EFNA3: variants seen among roughly 807,000 people sequenced by gnomAD.
EFNA3 encodes the protein ephrin-A3.
Under a neutral mutation model 25.0 loss-of-function variants are expected in EFNA3, and 15 were observed. The observed-to-expected ratio is 0.60, with a 90% CI of 0.40 to 0.92. EFNA3 has a LOEUF of 0.92. Among genes scored for constraint, EFNA3 ranks in the 40% least tolerant of loss-of-function variants. The probability of loss-of-function intolerance (pLI) is 0.00; values close to 1 mark genes in which losing one functional copy is unlikely to be tolerated. For missense variants in EFNA3, 298 were observed against 323.8 expected (o/e 0.92, Z 0.61); for synonymous variants, 153 against 145.6 (o/e 1.05, Z -0.37).
Position 155,080,199 on chromosome 1 carries a change from C to A in EFNA3, c.128+1130C>A, listed in dbSNP as rs1032831345. 6.6e-6 allele frequency among the ~76,000 whole-genome samples: 1 copy of A among 152,230 alleles called. No individual in the cohort carries two copies. Among genetic ancestry groups the A allele is most frequent in the African/African-American group, 2.4e-5 (1 of 41,530 alleles). On this transcript the variant is annotated intron_variant, in intron 1 of 4. Coordinates refer to ENST00000368408, the MANE Select transcript of EFNA3 (RefSeq NM_004952.5). This position sits in a 1 kb window ranked among gnomAD's most constrained non-coding sequence, Gnocchi z 7.0. ...GCCTCTGGCTGCCCACCCCAGGGAC[C>A]GACCGACCAGGGAGCAAATGGCCAG...
At chr1:155,083,127 G>A (rs1663376881) in intron 1 of EFNA3, among the ~76,000 whole-genome samples, 1 of 152,226 alleles carries the variant, frequency 6.6e-6, no homozygotes, top group Non-Finnish European at 1.5e-5. Context: ...TTGAGGAAAT[G>A]GAATTACCTG....
Position 155,086,114 on chromosome 1 carries a change from A to ACCCCCCCC in EFNA3, c.509-10_509-9insCCCCCCCC. 1 of 1,066,104 alleles carries ACCCCCCCC rather than the reference A, an allele frequency of 9.4e-7. No individual in the cohort carries two copies. The highest frequency in any genetic ancestry group is 1.4e-6 in the Non-Finnish European group (1 of 738,118). 66.0% of individuals were successfully genotyped at this position (1,066,104 alleles called of 1,614,324 possible). A position where few individuals can be genotyped will look rare whatever the true frequency, so the allele number is the denominator to read the frequency against. On this transcript the variant is annotated splice_polypyrimidine_tract_variant and intron_variant, in intron 3 of 4. Coordinates refer to ENST00000368408, the MANE Select transcript of EFNA3 (RefSeq NM_004952.5). ...TCTCCCCTCCTCTCTCCCCACCCGC[A>ACCCCCCCC]CCCCACCCCGCAGCATCGCACTCCG...
In EFNA3 at chr1:155,081,145, G is replaced by C. The variant is rs1663335291; in HGVS notation, c.128+2076G>C. 6.6e-6 allele frequency among the ~76,000 whole-genome samples: 1 copy of C among 152,200 alleles called. No homozygotes were observed. Among genetic ancestry groups the C allele is most frequent in the South Asian group, 2.1e-4 (1 of 4,838 alleles). The stretch of plus-strand genomic sequence containing the variant: ...CCCGCCTCCTGGGGGGGTCACGTGC[G>C]TCGGCCTCCTTTGACAGACCTGGGG... On this transcript the variant is annotated intron_variant, in intron 1 of 4. Transcript: ENST00000368408. This position sits in a 1 kb window ranked among gnomAD's most constrained non-coding sequence, Gnocchi z 5.2.
Position 155,086,775 on chromosome 1 carries a change from G to T in EFNA3, c.*232G>T. The T allele has an allele frequency of 1.9e-6, 1 of 527,062 alleles. No homozygotes were observed. The allele number at this position is 527,062 out of a possible 1,614,324, so 32.6% of individuals were successfully genotyped here. ...GGTCCCGGGCGGCCTTGTGGCTCTG[G>T]TAATGTTTGGTACCAAACTTGGGGG... On this transcript the variant is annotated 3_prime_UTR_variant, in exon 5 of 5. Coordinates refer to ENST00000368408, the MANE Select transcript of EFNA3 (RefSeq NM_004952.5).
chr1:155,085,186 C>T lies in EFNA3; in HGVS notation c.224C>T (p.Ala75Val). 1.2e-6 allele frequency: 2 copies of T among 1,612,770 alleles called. No individual in the cohort carries two copies. Among genetic ancestry groups the T allele is most frequent in the Non-Finnish European group, 8.5e-7 (1 of 1,179,710 alleles). Residue 75 changes from alanine to valine, a missense_variant, in exon 2 of 5, where the codon GCG (alanine) becomes GTG (valine). Coordinates refer to ENST00000368408, the MANE Select transcript of EFNA3 (RefSeq NM_004952.5). This position sits in a 1 kb window ranked among gnomAD's most constrained non-coding sequence, Gnocchi z 4.4. ...AACAGCTCGGGGGTGGGCCCCGGGG[C>T]GGGACCGGGGCCCGGAGGCGGGGCA... The part of the protein sequence containing the change: ...HYNSSGVGPG[A>V]GPGPGGGAEQ...
chr1:155,082,230 G>A (rs1006798784), intron 1 of EFNA3, among the ~76,000 whole-genome samples: 1 of 152,212 alleles, frequency 6.6e-6, no homozygotes, highest in African/African-American at 2.4e-5. Context: ...AGCCTCGGGG[G>A]CGCGCGCTAG....
rs1416786251 is a variant in EFNA3, at chr1:155,086,218, AGC to A, written c.586+16_586+17del. ...ATCAACGTGCTGGGTGAGTCTGCGC[AGC>A]GCCCTCTGGTGGCCACTGCTGGAAC... On this transcript the variant is annotated intron_variant, in intron 4 of 4. Coordinates refer to ENST00000368408, the MANE Select transcript of EFNA3 (RefSeq NM_004952.5). 2.5e-6 allele frequency: 4 copies of A among 1,611,730 alleles called. No homozygotes were observed. Among genetic ancestry groups the A allele is most frequent in the Non-Finnish European group, 3.4e-6 (4 of 1,178,866 alleles).
At position 155,079,579 on chromosome 1, in the gene EFNA3, G is replaced by A. The variant is rs1387453400; in HGVS notation, c.128+510G>A. Among the ~76,000 whole-genome samples the A allele has an allele frequency of 6.6e-6, 1 of 152,184 alleles. No homozygotes were observed. Among genetic ancestry groups the A allele is most frequent in the Non-Finnish European group, 1.5e-5 (1 of 68,012 alleles). On this transcript the variant is annotated intron_variant, in intron 1 of 4. Transcript: ENST00000368408. The surrounding 1 kb of genome is among the most constrained non-coding windows in gnomAD (Gnocchi z 7.7). Reference sequence around the variant, plus strand: ...GGAAGGCGAATGGGTTGTCTTGGTTGTGTGGATAAGCCCGGCTAGGGTGAG... The same window carrying A: ...GGAAGGCGAATGGGTTGTCTTGGTTATGTGGATAAGCCCGGCTAGGGTGAG...
Position 155,086,626 on chromosome 1 carries a change from A to G in EFNA3, c.*83A>G. The G allele has an allele frequency of 1.3e-6, 2 of 1,552,032 alleles. No homozygotes were observed. Among genetic ancestry groups the G allele is most frequent in the East Asian group, 2.2e-5 (1 of 44,574 alleles). ...CCTTTGGCCTCTCCAAGGGAAGCCT[A>G]GTGGGCCTAGACCCCTCCTCCCATG... On this transcript the variant is annotated 3_prime_UTR_variant, in exon 5 of 5. Coordinates refer to ENST00000368408, the MANE Select transcript of EFNA3 (RefSeq NM_004952.5).
Position 155,078,994 on chromosome 1 carries a change from T to G in EFNA3, c.53T>G (p.Leu18Arg). 7.0e-7 allele frequency: 1 copy of G among 1,435,514 alleles called. No homozygotes were observed. The highest frequency in any genetic ancestry group is 3.0e-5 in the East Asian group (1 of 32,928). 88.9% of individuals were successfully genotyped at this position (1,435,514 alleles called of 1,614,324 possible). A position where few individuals can be genotyped will look rare whatever the true frequency, so the allele number is the denominator to read the frequency against. ...LLLLLVPVPLLPLLAQGPGGA... is the reference protein window; with the variant it reads ...LLLLLVPVPLRPLLAQGPGGA... ...CTGCTGCTCGTGCCCGTGCCGCTGC[T>G]GCCGCTGCTGGCCCAAGGGCCCGGA... The change falls in exon 1 of 5, where the codon CTG becomes CGG. Residue 18 changes from leucine (L) to arginine (R), a missense_variant. Coordinates refer to ENST00000368408, the MANE Select transcript of EFNA3 (RefSeq NM_004952.5).
At position 155,081,588 on chromosome 1, in the gene EFNA3, G is replaced by A. The variant is rs1390357454; in HGVS notation, c.128+2519G>A. ...ATTGAGGCTCTACTACGTCCCTGATGGTCTTTCTCTGTGTTTTCTCCCAGT... is the reference window on the plus strand; with the variant it reads ...ATTGAGGCTCTACTACGTCCCTGATAGTCTTTCTCTGTGTTTTCTCCCAGT... On this transcript the variant is annotated intron_variant, in intron 1 of 4. Transcript: ENST00000368408. The surrounding 1 kb of genome is among the most constrained non-coding windows in gnomAD (Gnocchi z 5.2). 1.3e-5 allele frequency among the ~76,000 whole-genome samples: 2 copies of A among 152,124 alleles called. No homozygotes were observed. Among genetic ancestry groups the A allele is most frequent in the Admixed American group, 1.3e-4 (2 of 15,280 alleles).
chr1:155,085,118 G>C lies in EFNA3; in HGVS notation c.156G>C (p.Gln52His), dbSNP rs772767810. ...QHLRREGYTV[Q>H]VNVNDYLDIY... ...TGCGGCGAGAGGGCTACACCGTGCA[G>C]GTGAACGTGAACGACTATCTGGATA... The change falls in exon 2 of 5, where the codon CAG becomes CAC. Residue 52 changes from glutamine (Q) to histidine (H), a missense_variant. Coordinates refer to ENST00000368408, the MANE Select transcript of EFNA3 (RefSeq NM_004952.5). This position sits in a 1 kb window ranked among gnomAD's most constrained non-coding sequence, Gnocchi z 4.4. 1 of 1,613,808 alleles carries C rather than the reference G, an allele frequency of 6.2e-7. No homozygotes were observed. Among genetic ancestry groups the C allele is most frequent in the Non-Finnish European group, 8.5e-7 (1 of 1,180,028 alleles).
chr1:155,084,994 G>C (rs1387688039), intron 1 of EFNA3, 97 bp from the exon 2 acceptor site: 1 of 1,403,400 alleles, frequency 7.1e-7, no homozygotes, highest in East Asian at 2.3e-5. Context: ...AAGTCGGAAG[G>C]CTACGCGGAC....
Position 155,085,782 on chromosome 1 carries a change from C to T in EFNA3, c.443-95C>T. On this transcript the variant is annotated intron_variant, in intron 2 of 4. Transcript: ENST00000368408. The surrounding 1 kb of genome is among the most constrained non-coding windows in gnomAD (Gnocchi z 4.4). ...GGAGCTCCTGAAGGAGACCGCCCGA[C>T]GGGGACAGTTTGGAGGGGGTGAGAA... 6.8e-7 allele frequency: 1 copy of T among 1,467,746 alleles called. No individual in the cohort carries two copies. Among genetic ancestry groups the T allele is most frequent in the Admixed American group, 1.9e-5 (1 of 51,666 alleles). 90.9% of individuals were successfully genotyped at this position (1,467,746 alleles called of 1,614,324 possible).
In EFNA3 at chr1:155,078,927, G is replaced by T. The variant is rs2102450103; in HGVS notation, c.-15G>T. The T allele has an allele frequency of 2.9e-6, 4 of 1,384,708 alleles. No individual in the cohort carries two copies. In the South Asian group the frequency reaches 5.2e-5, roughly 18 times the overall value. 85.8% of individuals were successfully genotyped at this position (1,384,708 alleles called of 1,614,324 possible). ...GGGGCTCAGTCGGGGGGCGGCGGCG[G>T]CGGCGGCTCCGGGGATGGCGGCGGC... On this transcript the variant is annotated 5_prime_UTR_variant, in exon 1 of 5. Coordinates refer to ENST00000368408, the MANE Select transcript of EFNA3 (RefSeq NM_004952.5).
rs187453737 is a variant in EFNA3 at position 155,079,881 on chromosome 1, G to T, written c.128+812G>T. 4.1e-4 allele frequency among the ~76,000 whole-genome samples: 62 copies of T among 152,086 alleles called. 2 individuals are homozygous for T. The highest frequency in any genetic ancestry group is 1.3e-3 in the African/African-American group (56 of 41,494). On this transcript the variant is annotated intron_variant, in intron 1 of 4. Coordinates refer to ENST00000368408, the MANE Select transcript of EFNA3 (RefSeq NM_004952.5). The surrounding 1 kb of genome is among the most constrained non-coding windows in gnomAD (Gnocchi z 7.7). ...GGTCGGGGAAGGGGCTGCGGTCGCT[G>T]TCCGCGCGGCCAGCTGCGTCTGGGC...
chr1:155,082,136 C>T (rs1012896880), intron 1 of EFNA3, among the ~76,000 whole-genome samples: 3 of 152,174 alleles, frequency 2.0e-5, no homozygotes, highest in African/African-American at 7.2e-5. Context: ...CCGCCACCAC[C>T]GCCACCACCC....
Position 155,080,398 on chromosome 1 carries a change from C to T in EFNA3, c.128+1329C>T, listed in dbSNP as rs952513043. Among the ~76,000 whole-genome samples, 2 of 152,176 alleles carry T rather than the reference C, an allele frequency of 1.3e-5. No individual in the cohort carries two copies. Among genetic ancestry groups the T allele is most frequent in the African/African-American group, 2.4e-5 (1 of 41,460 alleles). On this transcript the variant is annotated intron_variant, in intron 1 of 4. Coordinates refer to ENST00000368408, the MANE Select transcript of EFNA3 (RefSeq NM_004952.5). This position sits in a 1 kb window ranked among gnomAD's most constrained non-coding sequence, Gnocchi z 7.0. Reference sequence around the variant, plus strand: ...GTGGGGATGAGCCAACGACGCCCCCCTCTCGCTTCCCATGGAAACCTCGGG... The same window carrying T: ...GTGGGGATGAGCCAACGACGCCCCCTTCTCGCTTCCCATGGAAACCTCGGG...
At chr1:155,084,798 C>T (rs551196918) in intron 1 of EFNA3, among the ~76,000 whole-genome samples, 76 of 152,350 alleles carry the variant, frequency 5.0e-4, no homozygotes, top group African/African-American at 1.8e-3. Context: ...TTCTTCCCTC[C>T]GCCCCTCTCC....
Sources: allele counts gnomAD v4.1 joint callset (sites outside exome capture counted in the v4.1 genomes callset), GRCh38; gene constraint gnomAD v4.1.1; non-coding constraint Gnocchi (gnomAD v3.1); transcripts MANE v1.5; gene names NCBI Gene and HGNC (gene_info 2026-07-23, HGNC 2026-07-21).